Variants in NRXN3 observed in about 807,000 individuals in gnomAD.
The protein encoded by NRXN3 is neurexin III.
In NRXN3, 32 loss-of-function variants were observed where a neutral mutation model predicts 137.6. The observed-to-expected ratio is 0.23, with a 90% CI of 0.18 to 0.31. NRXN3 has a LOEUF of 0.31. NRXN3 is among the 10% of genes least tolerant of loss of function. The pLI, the probability that NRXN3 is intolerant of heterozygous loss-of-function variation, is 1.00. For missense variants in NRXN3, 1,574 were observed against 2,062.5 expected, an observed-to-expected ratio of 0.76 and a Z score of 4.59; for synonymous variants, 798 against 784.5, an observed-to-expected ratio of 1.02 and a Z score of -0.29.
chr14:78,525,531 T>C (rs2096365246), intron 4 of NRXN3, among the ~76,000 whole-genome samples: 1 of 152,180 alleles, frequency 6.6e-6, no homozygotes, highest in Non-Finnish European at 1.5e-5. Flanking sequence ...CAGCCCTATC[T>C]GTGCACTGCC....
chr14:78,671,945 C>T (rs2097940468), intron 6 of NRXN3, among the ~76,000 whole-genome samples: 1 of 152,120 alleles, frequency 6.6e-6, no homozygotes, highest in African/African-American at 2.4e-5. Context: ...TTGTTGAATG[C>T]TATGCATTTT....
chr14:78,734,206 A>AACACAC (rs10563958), intron 8 of NRXN3, among the ~76,000 whole-genome samples: 211 of 137,774 alleles, frequency 1.5e-3, no homozygotes, highest in East Asian at 5.8e-3. Context: ...CTGCATCTGA[A>AACACAC]ACACACACAC....
intron 15 of NRXN3, among the ~76,000 whole-genome samples, chr14:79,401,508 A>G (rs1490243325): frequency 1.3e-5 from 2 of 152,196 alleles, no homozygotes; most frequent in African/African-American, 4.8e-5. Context: ...TTGTCCTAGG[A>G]GAACCACTGA....
At chr14:79,540,425 G>A (rs1005123200) in intron 16 of NRXN3, among the ~76,000 whole-genome samples, 9 of 152,064 alleles carry the variant, frequency 5.9e-5, no homozygotes, top group African/African-American at 1.9e-4. Flanking sequence ...TTCTTCTGGT[G>A]AGAGCATTCA....
chr14:78,954,767 GTTTTTTTT>G (rs531410595), intron 10 of NRXN3, among the ~76,000 whole-genome samples: 2 of 130,380 alleles, frequency 1.5e-5, no homozygotes, highest in Non-Finnish European at 3.3e-5. Flanking sequence ...ACCTGGCCTG[GTTTTTTTT>G]TTTTTTTTTT....
intron 15 of NRXN3, among the ~76,000 whole-genome samples, chr14:79,167,328 C>T (rs2061374282): frequency 6.6e-6 from 1 of 151,964 alleles, no homozygotes; most frequent in African/African-American, 2.4e-5. Flanking sequence ...TTTCTGATTG[C>T]CAGTTAGTGT....
Position 79,862,594 on chromosome 14 carries a change from T to C in NRXN3, c.*630T>C, listed in dbSNP as rs2099415371. The C allele has an allele frequency of 6.6e-6, 1 of 152,362 alleles. No homozygotes were observed. The highest frequency in any genetic ancestry group is 2.1e-4 in the South Asian group (1 of 4,824). 9.4% of individuals were successfully genotyped at this position (152,362 alleles called of 1,614,324 possible). ...GGGTTTTTGTTTATTTTTTTGATAA[T>C]GACTGGACATCAGAAGAGGAAAAAA... On this transcript the variant is annotated 3_prime_UTR_variant, in exon 21 of 21. Transcript: ENST00000335750.
intron 15 of NRXN3, among the ~76,000 whole-genome samples, chr14:79,097,994 A>G (rs1461140648): frequency 6.6e-6 from 1 of 152,182 alleles, no homozygotes; most frequent in African/African-American, 2.4e-5. Context: ...GGATACCCCA[A>G]CAAAGTGTTT....
chr14:79,401,196 T>C (rs1482880859), intron 15 of NRXN3, among the ~76,000 whole-genome samples: 3 of 152,162 alleles, frequency 2.0e-5, no homozygotes, highest in Admixed American at 6.6e-5. Flanking sequence ...AAATTTTGGA[T>C]TTGAATGACT....
At chr14:79,239,841 A>T (rs1477056166) in intron 15 of NRXN3, among the ~76,000 whole-genome samples, 1 of 152,170 alleles carries the variant, frequency 6.6e-6, no homozygotes, top group Admixed American at 6.6e-5. Context: ...ACAAGAAAGA[A>T]TTTCTGCCAT....
chr14:79,041,243 A>C (rs987508107), intron 15 of NRXN3, among the ~76,000 whole-genome samples: 4 of 152,336 alleles, frequency 2.6e-5, no homozygotes, highest in African/African-American at 9.6e-5. Flanking sequence ...CTAAGTGAGC[A>C]TAATAATCCA....
At chr14:79,681,867 T>C (rs1436538192) in intron 17 of NRXN3, among the ~76,000 whole-genome samples, 2 of 152,156 alleles carry the variant, frequency 1.3e-5, no homozygotes, top group African/African-American at 4.8e-5. Flanking sequence ...TGGTTGGAAA[T>C]CAGTGACTTT....
intron 4 of NRXN3, among the ~76,000 whole-genome samples, chr14:78,503,888 T>TATCCTGGTA (rs1746775224): frequency 6.6e-6 from 1 of 152,198 alleles, no homozygotes; most frequent in Admixed American, 6.5e-5. Flanking sequence ...CGTGATAAGT[T>TATCCTGGTA]ACATAGTTAC....
At chr14:78,653,954 G>A (rs558809903) in intron 6 of NRXN3, among the ~76,000 whole-genome samples, 4 of 152,248 alleles carry the variant, frequency 2.6e-5, no homozygotes, top group Admixed American at 1.3e-4. Context: ...AAACACTAAC[G>A]GAAATGATAG....
chr14:79,262,613 A>G (rs2077800528), intron 15 of NRXN3, among the ~76,000 whole-genome samples: 1 of 152,188 alleles, frequency 6.6e-6, no homozygotes, highest in Non-Finnish European at 1.5e-5. Context: ...ATTTTTCCAA[A>G]TATTTGTCAA....
intron 6 of NRXN3, among the ~76,000 whole-genome samples, chr14:78,701,574 C>T (rs1156302909): frequency 6.6e-6 from 1 of 152,196 alleles, no homozygotes; most frequent in Middle Eastern, 3.2e-3. Context: ...CTCCAGCTTG[C>T]CATATGTCCC....
chr14:79,613,695 A>G (rs1196454889), intron 16 of NRXN3, among the ~76,000 whole-genome samples: 4 of 152,224 alleles, frequency 2.6e-5, no homozygotes, highest in Admixed American at 6.5e-5. Flanking sequence ...ACACATACTT[A>G]CTTATTTCAC....
chr14:79,814,101 A>G (rs977883559), intron 20 of NRXN3, among the ~76,000 whole-genome samples: 4 of 152,220 alleles, frequency 2.6e-5, no homozygotes, highest in Admixed American at 6.5e-5. Flanking sequence ...AGTCCAGTGT[A>G]TGAGTTGTGG....
At chr14:78,399,828 G>A (rs996434543) in intron 4 of NRXN3, among the ~76,000 whole-genome samples, 2 of 152,136 alleles carry the variant, frequency 1.3e-5, no homozygotes, top group African/African-American at 4.8e-5. Context: ...TAGCCATTAA[G>A]TTGCTCTGTT....
Sources: gnomAD v4.1 joint callset for allele counts (sites outside exome capture counted in the v4.1 genomes callset) on GRCh38, gnomAD v4.1.1 for gene constraint, MANE v1.5 for transcripts, NCBI Gene and HGNC (gene_info 2026-07-23, HGNC 2026-07-21) for gene names.